The following RALGPS2 variants were observed in gnomAD, a reference collection of about 807,000 sequenced individuals.
The protein encoded by RALGPS2 is Ral GEF with PH domain and SH3 binding motif 2.
A neutral mutation model predicts 86.8 loss-of-function variants in RALGPS2; 43 were observed. The ratio of observed to expected loss-of-function variants is 0.50; its 90% CI spans 0.39 to 0.64. The LOEUF is 0.64. Among genes scored for constraint, RALGPS2 ranks in the 30% least tolerant of loss-of-function variants. RALGPS2 has a pLI of 0.00. For synonymous variants in RALGPS2, 243 were observed against 231.3 expected (o/e 1.05, Z -0.46); for missense variants, 536 against 694.6 (o/e 0.77, Z 2.57).
intron 18 of RALGPS2, among the ~76,000 whole-genome samples, chr1:178,906,150 A>C (rs990223546): frequency 6.6e-6 from 1 of 152,216 alleles, no homozygotes; most frequent in African/African-American, 2.4e-5. Flanking sequence ...AGGCAGGCAC[A>C]TCACTTGAGG....
chr1:178,762,189 C>T (rs1006045863), intron 1 of RALGPS2, among the ~76,000 whole-genome samples: 3 of 152,148 alleles, frequency 2.0e-5, no homozygotes, highest in Non-Finnish European at 4.4e-5. Context: ...CATGATGTCA[C>T]TCTTTTTTAT....
At position 178,906,796 on chromosome 1, in the gene RALGPS2, G is replaced by A. The variant is rs1330788255; in HGVS notation, c.1651G>A (p.Ala551Thr). ...TTTAGGAAATTCGTACAAGTTTCAA[G>A]CTGGCAATAGAATGAATGCAATGTT... ...SEKGNSYKFQAGNRMNAMLWF... is the reference protein window; with the variant it reads ...SEKGNSYKFQTGNRMNAMLWF... The change falls in exon 19 of 20, where the codon GCT becomes ACT. Residue 551 changes from alanine (A) to threonine (T), a missense_variant. By Grantham distance (58) the Ala-to-Thr change is moderately conservative (BLOSUM62 0). Transcript: ENST00000367635. The A allele has an allele frequency of 6.2e-7, 1 of 1,607,902 alleles. No individual in the cohort carries two copies. Among genetic ancestry groups the A allele is most frequent in the Admixed American group, 1.7e-5 (1 of 58,496 alleles).
At position 178,897,580 on chromosome 1, in the gene RALGPS2, A is replaced by G. The variant is rs562444450; in HGVS notation, c.1432-84A>G. The G allele has an allele frequency of 8.0e-5, 90 of 1,118,324 alleles. No individual in the cohort carries two copies. In the East Asian group the frequency reaches 2.0e-3, roughly 25 times the overall value. The allele number at this position is 1,118,324 out of a possible 1,614,324, so 69.3% of individuals were successfully genotyped here. ...TAGGACTTTGGTTGAAGTGAAGTGG[A>G]CTTGATCATTGGCACTTAGAATGTA... is the stretch of plus-strand genomic sequence containing the variant. On this transcript the variant is annotated intron_variant, in intron 16 of 19. Coordinates refer to ENST00000367635, the MANE Select transcript of RALGPS2 (RefSeq NM_152663.5).
intron 4 of RALGPS2, among the ~76,000 whole-genome samples, chr1:178,790,541 C>A (rs1349049861): frequency 6.6e-6 from 1 of 152,146 alleles, no homozygotes; most frequent in Non-Finnish European, 1.5e-5. Context: ...TCCCTTAACG[C>A]ATGCTATTGC....
chr1:178,913,239 G>A (rs1660690754), intron 19 of RALGPS2, among the ~76,000 whole-genome samples: 1 of 151,362 alleles, frequency 6.6e-6, no homozygotes, highest in Admixed American at 6.6e-5. Flanking sequence ...CCAAGATCAT[G>A]CCACCGCACT....
intron 13 of RALGPS2, among the ~76,000 whole-genome samples, chr1:178,887,575 TAA>T (rs1659544532): frequency 6.6e-6 from 1 of 152,250 alleles, no homozygotes; most frequent in Non-Finnish European, 1.5e-5. Context: ...CTATTGTTAC[TAA>T]TATCTTAATA....
chr1:178,838,179 G>A (rs992610502), intron 8 of RALGPS2, among the ~76,000 whole-genome samples: 3 of 152,196 alleles, frequency 2.0e-5, no homozygotes, highest in Admixed American at 6.5e-5. Flanking sequence ...GAGAGTAATG[G>A]TTCTCGCAGC....
At chr1:178,795,072 C>T (rs999819830) in intron 4 of RALGPS2, among the ~76,000 whole-genome samples, 1 of 151,456 alleles carries the variant, frequency 6.6e-6, no homozygotes, top group Non-Finnish European at 1.5e-5. Flanking sequence ...TCCAGCTACT[C>T]GGGAGGCTGA....
Position 178,917,772 on chromosome 1 carries a change from C to T in RALGPS2, c.*1413C>T, listed in dbSNP as rs1660860152. 1 of 152,038 alleles carries T rather than the reference C, an allele frequency of 6.6e-6. No individual in the cohort carries two copies. Among genetic ancestry groups the T allele is most frequent in the Non-Finnish European group, 1.5e-5 (1 of 67,960 alleles). The allele number at this position is 152,038 out of a possible 1,614,324, so 9.4% of individuals were successfully genotyped here. ...TAGAATTTTAATGAAAAATGACACTCAAACAAAGGCTATATGTCGAATGTT... is the reference window on the plus strand; with the variant it reads ...TAGAATTTTAATGAAAAATGACACTTAAACAAAGGCTATATGTCGAATGTT... On this transcript the variant is annotated 3_prime_UTR_variant, in exon 20 of 20. Coordinates refer to ENST00000367635, the MANE Select transcript of RALGPS2 (RefSeq NM_152663.5).
rs763929916 is a variant in RALGPS2 at position 178,894,249 on chromosome 1, T to A, written c.1431+225T>A. 73 of 354,960 alleles carry A rather than the reference T, an allele frequency of 2.1e-4. 1 individual carries two copies. Among genetic ancestry groups the A allele is most frequent in the Non-Finnish European group, 3.4e-4 (67 of 197,476 alleles). 22.0% of individuals were successfully genotyped at this position (354,960 alleles called of 1,614,324 possible). ...AACCAAATTACCATCATTTGGAACA[T>A]GTTTCTGTTCATGTCTTCCATTCAC... On this transcript the variant is annotated intron_variant, in intron 16 of 19. Coordinates refer to ENST00000367635, the MANE Select transcript of RALGPS2 (RefSeq NM_152663.5).
At chr1:178,754,234 T>TTA (rs1262088925) in intron 1 of RALGPS2, among the ~76,000 whole-genome samples, 2 of 150,706 alleles carry the variant, frequency 1.3e-5, no homozygotes, top group African/African-American at 4.9e-5. Flanking sequence ...ATATATTTTA[T>TTA]TATATATATA....
chr1:178,839,184 A>T (rs1656447924), intron 8 of RALGPS2, among the ~76,000 whole-genome samples: 1 of 152,196 alleles, frequency 6.6e-6, no homozygotes, highest in South Asian at 2.1e-4. Context: ...ACTCCTCGAG[A>T]AGAGCAACTC....
chr1:178,734,820 T>C (rs1232821343), intron 1 of RALGPS2, among the ~76,000 whole-genome samples: 1 of 152,210 alleles, frequency 6.6e-6, no homozygotes, highest in African/African-American at 2.4e-5. Flanking sequence ...GGTGTTGATT[T>C]AGAAAAAGGA....
At chr1:178,837,886 G>A (rs542311401) in intron 8 of RALGPS2, among the ~76,000 whole-genome samples, 13 of 152,288 alleles carry the variant, frequency 8.5e-5, no homozygotes, top group African/African-American at 2.9e-4. Context: ...ATTAGATCCC[G>A]TGCCTGGCTC....
intron 1 of RALGPS2, among the ~76,000 whole-genome samples, chr1:178,762,209 G>T (rs1267582190): frequency 1.3e-5 from 2 of 152,140 alleles, no homozygotes. Flanking sequence ...TGGCTGTGTA[G>T]TATTCCATGA....
chr1:178,868,126 T>G (rs1658533945), intron 8 of RALGPS2, among the ~76,000 whole-genome samples: 1 of 152,024 alleles, frequency 6.6e-6, no homozygotes, highest in Non-Finnish European at 1.5e-5. Context: ...TAGCTTTTTA[T>G]GTTTTCATAC....
intron 19 of RALGPS2, among the ~76,000 whole-genome samples, chr1:178,914,093 G>A (rs1660724624): frequency 6.6e-6 from 1 of 152,114 alleles, no homozygotes; most frequent in Admixed American, 6.5e-5. Flanking sequence ...GTAGACAGTG[G>A]GACATGCAGC....
chr1:178,856,225 ATATATATATGGTTT>A (rs1391700605), intron 8 of RALGPS2, among the ~76,000 whole-genome samples: 43 of 125,992 alleles, frequency 3.4e-4, no homozygotes, highest in African/African-American at 1.4e-3. Flanking sequence ...ATATATATAT[ATATATATATGGTTT>A]TGGGTTTTGT....
chr1:178,878,753 AAAGTTT>A (rs1659104559), intron 9 of RALGPS2, 143 bp from the exon 10 acceptor site: 1 of 1,057,630 alleles, frequency 9.5e-7, no homozygotes, highest in African/African-American at 1.6e-5. Context: ...GATTCACATT[AAAGTTT>A]ATCTCAGTAA....
Sources: gnomAD v4.1 joint callset for allele counts (sites outside exome capture counted in the v4.1 genomes callset) on GRCh38, gnomAD v4.1.1 for gene constraint, MANE v1.5 for transcripts, NCBI Gene and HGNC (gene_info 2026-07-23, HGNC 2026-07-21) for gene names.